DIDO1: variants seen among roughly 807,000 people sequenced by gnomAD.
DIDO1 encodes death-inducer obliterator 1.
DIDO1 carries 16 observed loss-of-function variants against 99.4 expected under a neutral mutation model. The ratio of observed to expected loss-of-function variants is 0.16; its 90% CI spans 0.11 to 0.24. The LOEUF is 0.24. DIDO1 is among the 10% of genes least tolerant of loss of function. The pLI, the probability that DIDO1 is intolerant of heterozygous loss-of-function variation, is 1.00. For synonymous variants in DIDO1, 1,366 were observed against 1,239.1 expected (o/e 1.10, Z -2.15); for missense variants, 2,996 against 3,014.0 (o/e 0.99, Z 0.14).
At chr20:62,931,809 G>A (rs1034797167) in intron 1 of DIDO1, among the ~76,000 whole-genome samples, 4 of 151,988 alleles carry the variant, frequency 2.6e-5, no homozygotes, top group Non-Finnish European at 5.9e-5. Flanking sequence ...AATTGTGCAG[G>A]CTACAATTAA....
intron 15 of DIDO1, chr20:62,889,084 ACGTTCC>A (rs1813504459): frequency 2.0e-5 from 20 of 985,308 alleles, no homozygotes; most frequent in Non-Finnish European, 2.4e-5. Context: ...GGCGAGTGTG[ACGTTCC>A]CCCAGCTGGT....
intron 1 of DIDO1, among the ~76,000 whole-genome samples, chr20:62,933,555 T>G (rs1488038475): frequency 1.3e-5 from 2 of 152,180 alleles, no homozygotes; most frequent in Admixed American, 1.3e-4. Flanking sequence ...GATATCCTGG[T>G]TTTTAAACAT....
chr20:62,911,292 G>T lies in DIDO1; in HGVS notation c.321C>A (p.Ala107=). Residue 107 remains alanine (A), a synonymous_variant, in exon 3 of 16, where the codon GCC becomes GCA. Transcript: ENST00000395343. This position sits in a 1 kb window ranked among gnomAD's most constrained non-coding sequence, Gnocchi z 7.0. ...CCACGCTGCCCTCGGAGGCTGTCTC[G>T]GCGTCTGTGGCGGGGCAGGACGTGG... ...GEPTSCPATD[A]ETASEGSVES... 1.9e-6 allele frequency: 3 copies of T among 1,611,522 alleles called. No homozygotes were observed. Among genetic ancestry groups the T allele is most frequent in the Non-Finnish European group, 2.5e-6 (3 of 1,180,038 alleles).
At chr20:62,929,693 G>GGATATATATATATATATATATATATA (rs1555853760), upstream of DIDO1, among the ~76,000 whole-genome samples, 1 of 97,968 alleles carries the variant, frequency 1.0e-5, no homozygotes, top group East Asian at 3.9e-4. Context: ...AAAAGAAAAA[G>GGATATATATATATATATATATATATA]TGTATATATA....
intron 6 of DIDO1, among the ~76,000 whole-genome samples, chr20:62,899,914 A>T (rs1461658627): frequency 1.3e-5 from 2 of 152,368 alleles, no homozygotes; most frequent in African/African-American, 4.8e-5. Flanking sequence ...AACTTGGGTC[A>T]GCTGCTGCTG....
At chr20:62,904,183 G>C (rs1347804035) in intron 6 of DIDO1, among the ~76,000 whole-genome samples, 1 of 150,770 alleles carries the variant, frequency 6.6e-6, no homozygotes, top group African/African-American at 2.5e-5. Flanking sequence ...TAAAACCAAT[G>C]TACAGCTAAA....
In DIDO1 at chr20:62,912,027, G is replaced by C. The variant is rs552601407; in HGVS notation, c.-2-413C>G. Among the ~76,000 whole-genome samples, 102 of 152,282 alleles carry C rather than the reference G, an allele frequency of 6.7e-4. 1 individual carries two copies. Among genetic ancestry groups the C allele is most frequent in the African/African-American group, 2.0e-3 (84 of 41,558 alleles). ...TCCCCAGCACCTCCGCAGGCAGATG[G>C]GCTGCTCTGACCACAAGCACAGTGA... is the stretch of plus-strand genomic sequence containing the variant. On this transcript the variant is annotated intron_variant, in intron 2 of 15. Transcript: ENST00000395343.
Position 62,882,352 on chromosome 20 carries a change from G to A in DIDO1, c.3604C>T (p.Pro1202Ser), listed in dbSNP as rs771376816. Residue 1202 changes from proline (P) to serine (S), a missense_variant, in exon 16 of 16, where the codon CCC becomes TCC. Pro to Ser is a moderately conservative substitution (Grantham distance 74). Transcript: ENST00000395343. ...TTGTCTAACTCTCCACTGTTTGCGGGACGTTTGATTTTTTGGCAGATTACT... is the reference window on the plus strand; with the variant it reads ...TTGTCTAACTCTCCACTGTTTGCGGAACGTTTGATTTTTTGGCAGATTACT... ...GLVICQKIKR[P>S]ANSGELDKMD... The A allele has an allele frequency of 3.2e-5, 52 of 1,613,890 alleles. No homozygotes were observed. Among genetic ancestry groups the A allele is most frequent in the Non-Finnish European group, 4.4e-5 (52 of 1,180,030 alleles).
chr20:62,904,939 CTATT>C lies in DIDO1; in HGVS notation c.1588+944_1588+947del, dbSNP rs138300048. Reference sequence around the variant, plus strand: ...CTCTGTGATCATCTTTGAATTGAGACTATTTAACCTTTCGGTGCTTTTTAAAAAA... The same window carrying C: ...CTCTGTGATCATCTTTGAATTGAGACTAACCTTTCGGTGCTTTTTAAAAAA... On this transcript the variant is annotated intron_variant, in intron 6 of 15. Transcript: ENST00000395343. 4,237 of 955,618 alleles carry C rather than the reference CTATT, an allele frequency of 4.4e-3. 121 individuals carry two copies. The African/African-American group carries it at 0.065, about 15-fold the overall frequency. The allele number at this position is 955,618 out of a possible 1,614,324, so 59.2% of individuals were successfully genotyped here.
At chr20:62,900,692 C>A (rs771090145) in intron 6 of DIDO1, among the ~76,000 whole-genome samples, 5 of 152,208 alleles carry the variant, frequency 3.3e-5, no homozygotes, top group Non-Finnish European at 1.5e-5. Context: ...AAACACCACA[C>A]GCCCTCACGT....
chr20:62,918,138 T>C (rs576114299), intron 1 of DIDO1, among the ~76,000 whole-genome samples: 12 of 152,204 alleles, frequency 7.9e-5, no homozygotes, highest in Non-Finnish European at 1.8e-4. Flanking sequence ...CAGCCAAAAG[T>C]GAAATTTCTT....
At chr20:62,907,014 A>T in intron 5 of DIDO1, 133 bp downstream of exon 5, 1 of 860,684 alleles carries the variant, frequency 1.2e-6, no homozygotes, top group Non-Finnish European at 1.8e-6. Context: ...TGGAAGACAA[A>T]GGTCAAGGCG....
chr20:62,896,388 T>G lies in DIDO1; in HGVS notation c.2059A>C (p.Asn687His). 6.2e-7 allele frequency: 1 copy of G among 1,613,994 alleles called. No individual in the cohort carries two copies. Among genetic ancestry groups the G allele is most frequent in the South Asian group, 1.1e-5 (1 of 91,076 alleles). ...SLKEILWKRV[N>H]DSDDLIMTEN... ...GTCATGATTAAGTCATCGCTGTCATTGACTCTGAACAGAATAAAAAAAAGG... is the reference window on the plus strand; with the variant it reads ...GTCATGATTAAGTCATCGCTGTCATGGACTCTGAACAGAATAAAAAAAAGG... The change falls in exon 8 of 16, where the codon AAT becomes CAT. Residue 687 changes from asparagine (N) to histidine (H), a missense_variant. This residue lies in a region of DIDO1 where 898 missense variants were observed against 972.7 expected (regional missense o/e 0.92). Transcript: ENST00000395343. This position sits in a 1 kb window ranked among gnomAD's most constrained non-coding sequence, Gnocchi z 4.4.
chr20:62,906,952 T>G lies in DIDO1; in HGVS notation c.1374+195A>C, dbSNP rs138591525. 4.3e-3 allele frequency among the ~76,000 whole-genome samples: 653 copies of G among 152,352 alleles called. 11 individuals are homozygous for G. The highest frequency in any genetic ancestry group is 6.6e-3 in the South Asian group (32 of 4,830). Reference sequence around the variant, plus strand: ...GTCAGCATTTGCTTTACTGCACTTGTGTTAATTAACCCCTCAGCTAACGGG... The same window carrying G: ...GTCAGCATTTGCTTTACTGCACTTGGGTTAATTAACCCCTCAGCTAACGGG... On this transcript the variant is annotated intron_variant, in intron 5 of 15. Coordinates refer to ENST00000395343, the MANE Select transcript of DIDO1 (RefSeq NM_001193369.2).
chr20:62,926,921 G>A (rs1033571910), upstream of DIDO1, among the ~76,000 whole-genome samples: 5 of 152,314 alleles, frequency 3.3e-5, no homozygotes, highest in Admixed American at 2.6e-4. Flanking sequence ...CGGGGACAGG[G>A]GATAAAAGAA....
rs777389721 is a variant in DIDO1, at chr20:62,911,586, A to G, written c.27T>C (p.Asn9=). The change falls in exon 3 of 16, where the codon AAT becomes AAC. Residue 9 remains asparagine (N), a synonymous_variant. Coordinates refer to ENST00000395343, the MANE Select transcript of DIDO1 (RefSeq NM_001193369.2). This position sits in a 1 kb window ranked among gnomAD's most constrained non-coding sequence, Gnocchi z 7.0. The stretch of plus-strand genomic sequence containing the variant: ...GTTTGATGGCCTTAGGTGCCTCCTC[A>G]TTGCTCGGGTCGCCTTTGTCGTCCA... The part of the protein sequence containing the change: MDDKGDPS[N]EEAPKAIKPT... 4 of 1,593,414 alleles carry G rather than the reference A, an allele frequency of 2.5e-6. No individual in the cohort carries two copies. In the Admixed American group the frequency reaches 6.9e-5, roughly 28 times the overall value.
Position 62,880,048 on chromosome 20 carries a change from G to A in DIDO1, c.5908C>T (p.Gln1970Ter). The change falls in exon 16 of 16, where the codon CAG (glutamine) becomes TAG (stop). Residue 1970 changes from glutamine to a stop codon, truncating the protein, a stop_gained. Transcript: ENST00000395343. LOFTEE classifies it low-confidence loss of function (END_TRUNC). ...RGIQPQQFED[Q>*]RVHSPPRFTN... ...AATCTTGGTGGTGAATGGACCCTCT[G>A]GTCTTCGAACTGCTGAGGCTGAATG... 1.9e-6 allele frequency: 3 copies of A among 1,611,268 alleles called. No homozygotes were observed. The highest frequency in any genetic ancestry group is 2.5e-6 in the Non-Finnish European group (3 of 1,179,990).
At position 62,893,695 on chromosome 20, in the gene DIDO1, G is replaced by A. The variant is rs2064449397; in HGVS notation, c.3072C>T (p.Tyr1024=). 1.2e-6 allele frequency: 2 copies of A among 1,607,030 alleles called. No individual in the cohort carries two copies. Among genetic ancestry groups the A allele is most frequent in the Non-Finnish European group, 1.7e-6 (2 of 1,174,028 alleles). Residue 1024 remains tyrosine, a synonymous_variant, in exon 12 of 16, where the codon TAC becomes TAT. Transcript: ENST00000395343. ...TATTTGGTGACGGAGGAACTGACAG[G>A]TATCTTGGGTCAGGAGATGAGGATG... is the stretch of plus-strand genomic sequence containing the variant. ...AKPSSSPDPR[Y]LSVPPSPNIS...
chr20:62,928,620 A>G (rs2065291320), upstream of DIDO1: 2 of 152,258 alleles, frequency 1.3e-5, no homozygotes, highest in South Asian at 4.1e-4. Context: ...TAGCAAAAGA[A>G]TACTTTTTCC....
Sources: gnomAD v4.1 joint callset for allele counts (sites outside exome capture counted in the v4.1 genomes callset) on GRCh38, gnomAD v4.1.1 for gene constraint, gnomAD v4.1.1 regional missense constraint, Gnocchi (gnomAD v3.1) non-coding constraint, MANE v1.5 for transcripts, NCBI Gene and HGNC (gene_info 2026-07-23, HGNC 2026-07-21) for gene names.